The following MAD1L1 variants were observed in gnomAD, a reference collection of about 807,000 sequenced individuals.
MAD1L1 encodes mitotic arrest deficient 1 like 1, also known as mitotic spindle assembly checkpoint protein MAD1.
In MAD1L1, 95 loss-of-function variants were observed where a neutral mutation model predicts 96.9. That is an observed-to-expected ratio of 0.98 (90% confidence interval 0.83 to 1.16). The LOEUF is 1.16. MAD1L1 is among the 50% of genes most tolerant of loss of function. MAD1L1 has a pLI of 0.00. For missense variants in MAD1L1, 1,007 were observed against 954.4 expected (o/e 1.06, Z -0.73); for synonymous variants, 473 against 396.6 (o/e 1.19, Z -2.29).
chr7:2,141,667 C>T (rs183123048), intron 11 of MAD1L1, among the ~76,000 whole-genome samples: 150 of 152,318 alleles, frequency 9.8e-4, no homozygotes, highest in East Asian at 6.9e-3. Context: ...AATGTACAGG[C>T]CTGGTACCCA....
chr7:1,992,951 C>T (rs1026611149), intron 14 of MAD1L1, among the ~76,000 whole-genome samples: 7 of 152,182 alleles, frequency 4.6e-5, no homozygotes, highest in African/African-American at 1.7e-4. Flanking sequence ...TGCAGAGACA[C>T]GACAAGTTTA....
At chr7:1,984,402 T>C (rs1422840173) in intron 14 of MAD1L1, among the ~76,000 whole-genome samples, 2 of 152,266 alleles carry the variant, frequency 1.3e-5, no homozygotes, top group African/African-American at 4.8e-5. Flanking sequence ...TATTCTCTAA[T>C]TTGGGGGATA....
intron 10 of MAD1L1, among the ~76,000 whole-genome samples, chr7:2,159,466 C>T (rs1296466467): frequency 6.6e-6 from 1 of 152,230 alleles, no homozygotes. Flanking sequence ...TGGTGCTCTC[C>T]TCCTTCACAG....
intron 10 of MAD1L1, among the ~76,000 whole-genome samples, chr7:2,152,722 A>G (rs1789639434): frequency 1.3e-5 from 2 of 151,828 alleles, no homozygotes; most frequent in African/African-American, 4.8e-5. Context: ...CACTTCCAAA[A>G]CCCTACGGCA....
intron 6 of MAD1L1, 38 bp from the exon 7 acceptor site, chr7:2,218,081 A>T (rs948118508): frequency 2.6e-6 from 4 of 1,517,480 alleles, no homozygotes; most frequent in Non-Finnish European, 3.7e-6. Context: ...AGAAACAGGC[A>T]TGCGGCAAGG....
At chr7:2,044,613 A>T (rs1279482586) in intron 12 of MAD1L1, among the ~76,000 whole-genome samples, 2 of 152,190 alleles carry the variant, frequency 1.3e-5, no homozygotes, top group Non-Finnish European at 2.9e-5. Context: ...TCCTGAGTAC[A>T]CATGAAGTCC....
At chr7:1,864,680 C>A (rs1037535127) in intron 18 of MAD1L1, among the ~76,000 whole-genome samples, 1 of 152,216 alleles carries the variant, frequency 6.6e-6, no homozygotes, top group African/African-American at 2.4e-5. Flanking sequence ...ATCCTCGATA[C>A]TGGAGTGGGG....
intron 11 of MAD1L1, among the ~76,000 whole-genome samples, chr7:2,074,954 G>A (rs1785306202): frequency 6.6e-6 from 1 of 152,198 alleles, no homozygotes; most frequent in Non-Finnish European, 1.5e-5. Context: ...CAGCCCAGTG[G>A]GCCCGAGGTT....
chr7:2,215,454 G>A (rs966210141), intron 9 of MAD1L1, among the ~76,000 whole-genome samples: 7 of 151,188 alleles, frequency 4.6e-5, no homozygotes, highest in East Asian at 1.9e-4. Context: ...GGGTCTCCCC[G>A]AGCTGGAATC....
intron 11 of MAD1L1, among the ~76,000 whole-genome samples, chr7:2,128,672 C>A (rs1180301851): frequency 6.6e-6 from 1 of 152,224 alleles, no homozygotes; most frequent in African/African-American, 2.4e-5. Flanking sequence ...CAGCTGGGGC[C>A]TTGGCCATTG....
chr7:2,036,661 A>G (rs1195276244), intron 12 of MAD1L1, among the ~76,000 whole-genome samples: 1 of 152,120 alleles, frequency 6.6e-6, no homozygotes, highest in Non-Finnish European at 1.5e-5. Context: ...ACAGAAGACA[A>G]AAGGAAGAGC....
chr7:2,039,041 C>A (rs978009244), intron 12 of MAD1L1, among the ~76,000 whole-genome samples: 2 of 152,188 alleles, frequency 1.3e-5, no homozygotes, highest in Non-Finnish European at 2.9e-5. Flanking sequence ...TCCTCCTGTG[C>A]GTCTCCGTAA....
At chr7:1,954,277 G>T (rs1253123790) in intron 16 of MAD1L1, among the ~76,000 whole-genome samples, 1 of 152,202 alleles carries the variant, frequency 6.6e-6, no homozygotes, top group Non-Finnish European at 1.5e-5. Context: ...CTGCGGGAAA[G>T]GCCCGTGCCC....
At chr7:2,169,961 G>A (rs963476166) in intron 10 of MAD1L1, among the ~76,000 whole-genome samples, 3 of 152,176 alleles carry the variant, frequency 2.0e-5, no homozygotes, top group Admixed American at 6.5e-5. Context: ...CTGGGTGGAG[G>A]GGTTGCGGAA....
chr7:1,980,503 G>C lies in MAD1L1; in HGVS notation c.1455C>G (p.Ser485Arg). ...AGAACAGGAAGCTCTGTTCGGCAGA[G>C]CTGGACTGAGACTTCAGCATCTTCA... ...MELKMLKSQSSSAEQSFLFSR... is the reference protein window; with the variant it reads ...MELKMLKSQSRSAEQSFLFSR... The change falls in exon 15 of 19, where the codon AGC (serine) becomes AGG (arginine). Residue 485 changes from serine (S) to arginine (R), a missense_variant. Coordinates refer to ENST00000265854, the MANE Select transcript of MAD1L1 (RefSeq NM_001013836.2). 1 of 1,603,170 alleles carries C rather than the reference G, an allele frequency of 6.2e-7. No individual in the cohort carries two copies. The highest frequency in any genetic ancestry group is 8.5e-7 in the Non-Finnish European group (1 of 1,178,430).
intron 17 of MAD1L1, among the ~76,000 whole-genome samples, chr7:1,928,593 C>G (rs1789237452): frequency 6.6e-6 from 1 of 152,236 alleles, no homozygotes; most frequent in Admixed American, 6.5e-5. Context: ...CTTCAGACGC[C>G]AGCCCTTCTT....
chr7:2,159,690 G>A (rs1352951150), intron 10 of MAD1L1, among the ~76,000 whole-genome samples: 1 of 152,136 alleles, frequency 6.6e-6, no homozygotes, highest in Non-Finnish European at 1.5e-5. Flanking sequence ...TAAATGCTAC[G>A]CAAGTCATTC....
At chr7:1,913,939 G>T (rs1203012020) in intron 17 of MAD1L1, among the ~76,000 whole-genome samples, 1 of 152,162 alleles carries the variant, frequency 6.6e-6, no homozygotes, top group Non-Finnish European at 1.5e-5. Flanking sequence ...GGCCACGCTG[G>T]AGGGAACGCC....
At chr7:1,908,063 G>A (rs899783746) in intron 17 of MAD1L1, among the ~76,000 whole-genome samples, 6 of 152,352 alleles carry the variant, frequency 3.9e-5, no homozygotes, top group South Asian at 2.1e-4. Context: ...CAGACAGTAC[G>A]TTTGCCCACA....
Sources: allele counts gnomAD v4.1 joint callset (sites outside exome capture counted in the v4.1 genomes callset), GRCh38; gene constraint gnomAD v4.1.1; transcripts MANE v1.5; gene names NCBI Gene and HGNC (gene_info 2026-07-23, HGNC 2026-07-21).